The following PRICKLE1 variants were observed in gnomAD, a reference collection of about 807,000 sequenced individuals.
The protein encoded by PRICKLE1 is prickle-like protein 1.
In PRICKLE1, 14 loss-of-function variants were observed where a neutral mutation model predicts 70.2. The observed-to-expected ratio is 0.20, with a 90% CI of 0.13 to 0.31. The LOEUF (loss-of-function observed/expected upper bound fraction) is 0.31. Ranked by LOEUF, PRICKLE1 falls within the 10% of genes least tolerant of loss-of-function variation. The probability of loss-of-function intolerance (pLI) is 1.00; values close to 1 mark genes in which losing one functional copy is unlikely to be tolerated. For synonymous variants in PRICKLE1, 357 were observed against 379.9 expected, an observed-to-expected ratio of 0.94 and a Z score of 0.70; for missense variants, 821 against 1,026.2, an observed-to-expected ratio of 0.80 and a Z score of 2.73.
chr12:42,517,920 C>T (rs1006687052), intron 1 of PRICKLE1, among the ~76,000 whole-genome samples: 1 of 151,364 alleles, frequency 6.6e-6, no homozygotes, highest in Non-Finnish European at 1.5e-5. Flanking sequence ...ATGCATTTAT[C>T]GAGTTTGAAG....
At chr12:42,548,977 T>TGA (rs67986702) in intron 1 of PRICKLE1, among the ~76,000 whole-genome samples, 150,847 of 152,098 alleles carry the variant, frequency 0.99, 74,816 homozygotes, top group Middle Eastern at 1. Flanking sequence ...AAAAATTAGC[T>TGA]GTGTGATAGC....
Position 42,459,302 on chromosome 12 carries a change from T to C in PRICKLE1, c.*507A>G, listed in dbSNP as rs1240742920. ...GCTGGCGCTGATACAATACAATGTT[T>C]ACCTGGCCAAAGAGGGTTCGAGGGG... On this transcript the variant is annotated 3_prime_UTR_variant, in exon 8 of 8. Coordinates refer to ENST00000345127, the MANE Select transcript of PRICKLE1 (RefSeq NM_153026.3). 4 of 702,398 alleles carry C rather than the reference T, an allele frequency of 5.7e-6. No homozygotes were observed. Among genetic ancestry groups the C allele is most frequent in the South Asian group, 1.5e-5 (1 of 67,596 alleles). The allele number at this position is 702,398 out of a possible 1,614,324, so 43.5% of individuals were successfully genotyped here.
intron 1 of PRICKLE1, among the ~76,000 whole-genome samples, chr12:42,562,054 G>C (rs907994270): frequency 6.6e-6 from 1 of 151,904 alleles, no homozygotes; most frequent in Non-Finnish European, 1.5e-5. Context: ...TGGGATTAGA[G>C]GCACGTGCCA....
chr12:42,546,060 A>C (rs1008829865), intron 1 of PRICKLE1, among the ~76,000 whole-genome samples: 13 of 152,242 alleles, frequency 8.5e-5, no homozygotes, highest in Admixed American at 2.6e-4. Context: ...CTGACGAACA[A>C]ACATGCCAGA....
chr12:42,537,220 A>G (rs752680821), intron 1 of PRICKLE1, among the ~76,000 whole-genome samples: 17 of 151,830 alleles, frequency 1.1e-4, no homozygotes, highest in Non-Finnish European at 2.2e-4. Flanking sequence ...TTCATGATTC[A>G]TCACAGTTCA....
chr12:42,564,446 A>G (rs1210418608), intron 1 of PRICKLE1, among the ~76,000 whole-genome samples: 1 of 151,674 alleles, frequency 6.6e-6, no homozygotes, highest in Non-Finnish European at 1.5e-5. Flanking sequence ...GTCTCTACTA[A>G]AAATACAAAA....
At chr12:42,562,440 C>A (rs1049632107) in intron 1 of PRICKLE1, among the ~76,000 whole-genome samples, 1 of 151,848 alleles carries the variant, frequency 6.6e-6, no homozygotes, top group African/African-American at 2.4e-5. Flanking sequence ...CATATTAGAA[C>A]TAAAGGAAGG....
Position 42,514,647 on chromosome 12 carries a change from AAGTT to A in PRICKLE1, c.-48-42087_-48-42084del, listed in dbSNP as rs1939572554. On this transcript the variant is annotated intron_variant, in intron 1 of 7. Transcript: ENST00000345127. Reference sequence around the variant, plus strand: ...TTATTATCAAACAAAAATGAAAAGAAAGTTTGTTTGCCCCTCGTGACCTATTCCA... The same window carrying A: ...TTATTATCAAACAAAAATGAAAAGAATGTTTGCCCCTCGTGACCTATTCCA... 2.0e-5 allele frequency among the ~76,000 whole-genome samples: 3 copies of A among 152,120 alleles called. No homozygotes were observed. In the South Asian group the frequency reaches 6.2e-4, roughly 32 times the overall value.
chr12:42,577,172 C>A (rs1460565352), intron 1 of PRICKLE1, among the ~76,000 whole-genome samples: 1 of 152,200 alleles, frequency 6.6e-6, no homozygotes, highest in African/African-American at 2.4e-5. Context: ...TTGAGTACTA[C>A]TTTAAAAATT....
At chr12:42,518,407 C>G (rs1158530602) in intron 1 of PRICKLE1, among the ~76,000 whole-genome samples, 2 of 151,954 alleles carry the variant, frequency 1.3e-5, no homozygotes, top group Non-Finnish European at 2.9e-5. Flanking sequence ...TTTTTTATAC[C>G]CTGGAGAATT....
chr12:42,554,274 A>G (rs961605117), intron 1 of PRICKLE1, among the ~76,000 whole-genome samples: 4 of 152,248 alleles, frequency 2.6e-5, no homozygotes, highest in African/African-American at 9.6e-5. Flanking sequence ...GTAAGTCTTG[A>G]TATGTTATGT....
chr12:42,488,226 C>A (rs1939023503), intron 1 of PRICKLE1, among the ~76,000 whole-genome samples: 1 of 152,140 alleles, frequency 6.6e-6, no homozygotes, highest in Non-Finnish European at 1.5e-5. Flanking sequence ...TCCACCAGTT[C>A]TAGTATTTCC....
intron 1 of PRICKLE1, among the ~76,000 whole-genome samples, chr12:42,547,214 C>T (rs1322371005): frequency 6.6e-6 from 1 of 152,120 alleles, no homozygotes; most frequent in Non-Finnish European, 1.5e-5. Context: ...TACTTCAAAC[C>T]TTTACTGAGG....
At chr12:42,469,405 C>G in intron 4 of PRICKLE1, 45 bp downstream of exon 4, 1 of 1,612,066 alleles carries the variant, frequency 6.2e-7, no homozygotes, top group Non-Finnish European at 8.5e-7. Flanking sequence ...TCCACCCCAT[C>G]CACATCACTG....
intron 1 of PRICKLE1, among the ~76,000 whole-genome samples, chr12:42,575,704 A>T (rs962393925): frequency 8.8e-5 from 13 of 147,840 alleles, no homozygotes; most frequent in African/African-American, 2.0e-4. Context: ...AAAAAAAAAT[A>T]AAAAAAAAAA....
At chr12:42,499,162 A>C (rs781256091) in intron 1 of PRICKLE1, among the ~76,000 whole-genome samples, 4 of 144,926 alleles carry the variant, frequency 2.8e-5, no homozygotes, top group African/African-American at 8.1e-5. Flanking sequence ...AATCATGTAC[A>C]TTTAAAAAAA....
intron 1 of PRICKLE1, among the ~76,000 whole-genome samples, chr12:42,507,121 G>A (rs1415188375): frequency 2.6e-5 from 4 of 152,258 alleles, no homozygotes; most frequent in South Asian, 2.1e-4. Flanking sequence ...AGCTTTTGAG[G>A]TGAGTGCTGC....
At chr12:42,508,337 C>CT (rs1227865503) in intron 1 of PRICKLE1, among the ~76,000 whole-genome samples, 1 of 152,144 alleles carries the variant, frequency 6.6e-6, no homozygotes, top group African/African-American at 2.4e-5. Context: ...TTACTTTAAA[C>CT]TTTTTTGGCT....
In PRICKLE1 at chr12:42,457,048, G is replaced by C. The variant is rs1193926870; in HGVS notation, c.*2761C>G. 6.6e-6 allele frequency: 1 copy of C among 152,072 alleles called. No homozygotes were observed. The highest frequency in any genetic ancestry group is 1.5e-5 in the Non-Finnish European group (1 of 68,068). The allele number at this position is 152,072 out of a possible 1,614,324, so 9.4% of individuals were successfully genotyped here. Reference sequence around the variant, plus strand: ...AAAAATTAGCCGAGCATGGTGGCAGGCACCTGTAATCTCAGCTACTCCGGA... The same window carrying C: ...AAAAATTAGCCGAGCATGGTGGCAGCCACCTGTAATCTCAGCTACTCCGGA... On this transcript the variant is annotated 3_prime_UTR_variant, in exon 8 of 8. Coordinates refer to ENST00000345127, the MANE Select transcript of PRICKLE1 (RefSeq NM_153026.3).
Sources: gnomAD v4.1 joint callset for allele counts (sites outside exome capture counted in the v4.1 genomes callset) on GRCh38, gnomAD v4.1.1 for gene constraint, MANE v1.5 for transcripts, NCBI Gene and HGNC (gene_info 2026-07-23, HGNC 2026-07-21) for gene names.